The following EMILIN2 variants were observed in gnomAD, a reference collection of about 807,000 sequenced individuals.
The protein encoded by EMILIN2 is elastin microfibril interfacer 2, also known as EMILIN-2.
In EMILIN2, 71 loss-of-function variants were observed where a neutral mutation model predicts 87.1. The observed-to-expected ratio is 0.82, with a 90% CI of 0.67 to 0.99. The LOEUF (loss-of-function observed/expected upper bound fraction) is 0.99. Ranked by LOEUF, EMILIN2 falls within the 50% of genes least tolerant of loss-of-function variation. The probability of loss-of-function intolerance (pLI) is 0.00; values close to 1 mark genes in which losing one functional copy is unlikely to be tolerated. For missense variants in EMILIN2, 1,407 were observed against 1,371.8 expected (o/e 1.03, Z -0.40); for synonymous variants, 581 against 563.4 (o/e 1.03, Z -0.44).
chr18:2,898,748 A>G (rs1261053171), intron 4 of EMILIN2, among the ~76,000 whole-genome samples: 1 of 152,236 alleles, frequency 6.6e-6, no homozygotes, highest in Non-Finnish European at 1.5e-5. Flanking sequence ...ATTTAACCAG[A>G]AAGCCTGGCC....
At chr18:2,877,391 C>G (rs1461252036) in intron 2 of EMILIN2, among the ~76,000 whole-genome samples, 24 of 151,478 alleles carry the variant, frequency 1.6e-4, no homozygotes, top group Non-Finnish European at 1.5e-5. Context: ...TTTCTCATAC[C>G]ACATCGTCTA....
chr18:2,877,552 C>T lies in EMILIN2; in HGVS notation c.258-7412C>T, dbSNP rs568869947. On this transcript the variant is annotated intron_variant, in intron 2 of 7. Transcript: ENST00000254528. ...CAACACTTTGGGAGGCTGAGGTGGGCGGACCACCTGAGGTCAGTAGTTGAG... is the reference window on the plus strand; with the variant it reads ...CAACACTTTGGGAGGCTGAGGTGGGTGGACCACCTGAGGTCAGTAGTTGAG... Among the ~76,000 whole-genome samples, 711 of 150,698 alleles carry T rather than the reference C, an allele frequency of 4.7e-3. 4 individuals are homozygous for T. Among genetic ancestry groups the T allele is most frequent in the African/African-American group, 0.016 (672 of 41,080 alleles).
intron 3 of EMILIN2, among the ~76,000 whole-genome samples, chr18:2,885,457 T>C (rs2076798743): frequency 6.6e-6 from 1 of 152,228 alleles, no homozygotes; most frequent in African/African-American, 2.4e-5. Flanking sequence ...TCAGATGTAA[T>C]GATGTACTGT....
At position 2,914,742 on chromosome 18, in the gene EMILIN2, A is replaced by G. The variant is rs1333567307; in HGVS notation, c.*1338A>G. 2 of 149,886 alleles carry G rather than the reference A, an allele frequency of 1.3e-5. No individual in the cohort carries two copies. The highest frequency in any genetic ancestry group is 2.5e-5 in the African/African-American group (1 of 40,586). 9.3% of individuals were successfully genotyped at this position (149,886 alleles called of 1,614,324 possible). On this transcript the variant is annotated 3_prime_UTR_variant, in exon 8 of 8. Coordinates refer to ENST00000254528, the MANE Select transcript of EMILIN2 (RefSeq NM_032048.3). ...AAAATGCTTTAAGAATTGTTTGCAA[A>G]TGAATTTACAGGGTGGCCACTGGAC...
At position 2,891,595 on chromosome 18, in the gene EMILIN2, GT is replaced by G; in HGVS notation, c.1470del (p.Asp491IlefsTer18). On this transcript the variant is annotated frameshift_variant, in exon 4 of 8. Transcript: ENST00000254528. LOFTEE classifies it high-confidence loss of function. The surrounding 1 kb of genome is among the most constrained non-coding windows in gnomAD (Gnocchi z 4.6). ...NGEVGDLKQL[V>X]DQKIQSLEDR... ...AGAGGTGGGTGACTTGAAGCAGCTTGTTGATCAGAAAATACAGTCTCTGGAA... is the reference window on the plus strand; with the variant it reads ...AGAGGTGGGTGACTTGAAGCAGCTTGTGATCAGAAAATACAGTCTCTGGAA... 1 of 1,614,058 alleles carries G rather than the reference GT, an allele frequency of 6.2e-7. No homozygotes were observed. The highest frequency in any genetic ancestry group is 8.5e-7 in the Non-Finnish European group (1 of 1,180,030).
intron 4 of EMILIN2, among the ~76,000 whole-genome samples, chr18:2,900,997 A>G (rs2076885868): frequency 2.0e-5 from 3 of 152,206 alleles, no homozygotes; most frequent in Non-Finnish European, 4.4e-5. Flanking sequence ...CTGATGAATT[A>G]CACTTAACAT....
intron 2 of EMILIN2, among the ~76,000 whole-genome samples, chr18:2,884,067 T>G (rs2076790414): frequency 1.3e-5 from 2 of 152,126 alleles, no homozygotes; most frequent in East Asian, 1.9e-4. Flanking sequence ...GCCATTCTCC[T>G]GCCTCAGCCT....
In EMILIN2 at chr18:2,847,186, G is replaced by T. The variant is rs1348222185; in HGVS notation, c.-3G>T. 3.2e-5 allele frequency: 37 copies of T among 1,142,394 alleles called. No individual in the cohort carries two copies. Among genetic ancestry groups the T allele is most frequent in the Non-Finnish European group, 3.9e-5 (36 of 934,530 alleles). The allele number at this position is 1,142,394 out of a possible 1,614,324, so 70.8% of individuals were successfully genotyped here. The stretch of plus-strand genomic sequence containing the variant: ...CAGGCGGGGCGCGCCCGCTGCGCGC[G>T]GGATGTGGCAGCCCAGACGGCCCTG... On this transcript the variant is annotated 5_prime_UTR_variant, in exon 1 of 8. Coordinates refer to ENST00000254528, the MANE Select transcript of EMILIN2 (RefSeq NM_032048.3). The surrounding 1 kb of genome is among the most constrained non-coding windows in gnomAD (Gnocchi z 4.5).
In EMILIN2 at chr18:2,907,009, G is replaced by C; in HGVS notation, c.2586G>C (p.Arg862=). The change falls in exon 5 of 8, where the codon CGG becomes CGC. Residue 862 remains arginine, a synonymous_variant. Coordinates refer to ENST00000254528, the MANE Select transcript of EMILIN2 (RefSeq NM_032048.3). ...CCGCAGGCGCAGGCGTGTCTGGGCG[G>C]GGTCTGCCGCGGGGCGTGGACGGCC... ...GPPAGAGVSG[R]GLPRGVDGQT... 2 of 1,349,338 alleles carry C rather than the reference G, an allele frequency of 1.5e-6. No homozygotes were observed. Among genetic ancestry groups the C allele is most frequent in the Non-Finnish European group, 1.9e-6 (2 of 1,051,698 alleles). 83.6% of individuals were successfully genotyped at this position (1,349,338 alleles called of 1,614,324 possible). A position where few individuals can be genotyped will look rare whatever the true frequency, so the allele number is the denominator to read the frequency against.
Position 2,906,828 on chromosome 18 carries a change from T to C in EMILIN2, c.2405T>C (p.Leu802Pro). The C allele has an allele frequency of 7.5e-7, 1 of 1,330,400 alleles. No homozygotes were observed. Among genetic ancestry groups the C allele is most frequent in the Non-Finnish European group, 9.6e-7 (1 of 1,044,410 alleles). The allele number at this position is 1,330,400 out of a possible 1,614,324, so 82.4% of individuals were successfully genotyped here. ...CCCGCAGAGGCCCCGAAGGAGCCGC[T>C]GCAGCCCGAGCCCGCCCCGCCGAGG... is the stretch of plus-strand genomic sequence containing the variant. ...PPPAEAPKEP[L>P]QPEPAPPRPS... The change falls in exon 5 of 8, where the codon CTG (leucine) becomes CCG (proline). Residue 802 changes from leucine to proline, a missense_variant. Physicochemically the swap from Leu to Pro is moderately conservative, Grantham distance 98 (BLOSUM62 -3). Transcript: ENST00000254528.
Position 2,890,677 on chromosome 18 carries a change from A to G in EMILIN2, c.550A>G (p.Ile184Val), listed in dbSNP as rs773860722. 3 of 1,614,192 alleles carry G rather than the reference A, an allele frequency of 1.9e-6. 1 individual carries two copies. The South Asian group carries it at 3.3e-5, about 18-fold the overall frequency. ...EGPQELQEKK[I>V]QVLEEKVLRL... is the part of the protein sequence containing the mutation. ...GCCTCAGGAACTTCAGGAAAAGAAG[A>G]TACAGGTGCTAGAGGAGAAGGTTCT... The change falls in exon 4 of 8, where the codon ATA (isoleucine) becomes GTA (valine). Residue 184 changes from isoleucine (I) to valine (V), a missense_variant. Ile to Val is a conservative substitution (Grantham distance 29). Coordinates refer to ENST00000254528, the MANE Select transcript of EMILIN2 (RefSeq NM_032048.3). This position sits in a 1 kb window ranked among gnomAD's most constrained non-coding sequence, Gnocchi z 4.7.
At chr18:2,884,313 G>A (rs891072499) in intron 2 of EMILIN2, among the ~76,000 whole-genome samples, 15 of 152,082 alleles carry the variant, frequency 9.9e-5, no homozygotes, top group African/African-American at 2.9e-4. Flanking sequence ...GTGCAATGGC[G>A]TGATCTCAGC....
intron 2 of EMILIN2, among the ~76,000 whole-genome samples, chr18:2,873,643 C>G (rs470599): frequency 6.8e-5 from 10 of 146,756 alleles, no homozygotes; most frequent in African/African-American, 2.3e-4. Context: ...GGAGGCGGAG[C>G]TTGCAGTGAG....
chr18:2,876,606 A>G, intron 2 of EMILIN2, among the ~76,000 whole-genome samples: 1 of 136,294 alleles, frequency 7.3e-6, no homozygotes, highest in African/African-American at 2.7e-5. Flanking sequence ...CTCTACTAAA[A>G]ATACAAAAAA....
Position 2,847,221 on chromosome 18 carries a change from G to A in EMILIN2, c.33G>A (p.Val11=). ...AGCCCAGACGGCCCTGGCCCCGCGT[G>A]CCCTGGCGCTGGGCGCTGGCGCTGC... is the stretch of plus-strand genomic sequence containing the variant. MWQPRRPWPR[V]PWRWALALLA... The change falls in exon 1 of 8, where the codon GTG becomes GTA. Residue 11 remains valine (V), a synonymous_variant. Transcript: ENST00000254528. The surrounding 1 kb of genome is among the most constrained non-coding windows in gnomAD (Gnocchi z 4.5). The A allele has an allele frequency of 8.0e-7, 1 of 1,250,288 alleles. No individual in the cohort carries two copies. Among genetic ancestry groups the A allele is most frequent in the Non-Finnish European group, 1.0e-6 (1 of 998,410 alleles). The allele number at this position is 1,250,288 out of a possible 1,614,324, so 77.4% of individuals were successfully genotyped here. A position where few individuals can be genotyped will look rare whatever the true frequency, so the allele number is the denominator to read the frequency against.
chr18:2,847,084 CT>C lies in EMILIN2; in HGVS notation c.-103del. The C allele has an allele frequency of 9.3e-7, 1 of 1,078,416 alleles. No homozygotes were observed. 66.8% of individuals were successfully genotyped at this position (1,078,416 alleles called of 1,614,324 possible). A position where few individuals can be genotyped will look rare whatever the true frequency, so the allele number is the denominator to read the frequency against. ...GGAGCGCCGCGAAGCGCCCGAGCCT[CT>C]TGCCTTCGCGGGCGGCGCCCTGGCC... On this transcript the variant is annotated 5_prime_UTR_variant, in exon 1 of 8. Coordinates refer to ENST00000254528, the MANE Select transcript of EMILIN2 (RefSeq NM_032048.3). This position sits in a 1 kb window ranked among gnomAD's most constrained non-coding sequence, Gnocchi z 4.5.
rs2144039893 is a variant in EMILIN2 at position 2,891,738 on chromosome 18, G to A, written c.1611G>A (p.Met537Ile). 4 of 1,614,168 alleles carry A rather than the reference G, an allele frequency of 2.5e-6. No individual in the cohort carries two copies. The highest frequency in any genetic ancestry group is 3.4e-6 in the Non-Finnish European group (4 of 1,180,040). The change falls in exon 4 of 8, where the codon ATG (methionine) becomes ATA (isoleucine). Residue 537 changes from methionine (M) to isoleucine (I), a missense_variant. Coordinates refer to ENST00000254528, the MANE Select transcript of EMILIN2 (RefSeq NM_032048.3). This position sits in a 1 kb window ranked among gnomAD's most constrained non-coding sequence, Gnocchi z 4.6. ...GGTCAGGAGATGAACGGGTCATGAT[G>A]GAATTAAACCACCTGAAGGACAAAG... ...VSGSGDERVM[M>I]ELNHLKDKVQ...
rs1293339097 is a variant in EMILIN2 at position 2,892,445 on chromosome 18, C to G, written c.2318C>G (p.Ser773Cys). The change falls in exon 4 of 8, where the codon TCT becomes TGT. Residue 773 changes from serine to cysteine, a missense_variant. Physicochemically the swap from Ser to Cys is moderately radical, Grantham distance 112. Transcript: ENST00000254528. ...TTCTACAGCCACGTCTTCCAGATTT[C>G]TACTGATTTGCAAGATCTGGTCAAA... is the stretch of plus-strand genomic sequence containing the variant. ...QQFYSHVFQI[S>C]TDLQDLVKFQ... is the part of the protein sequence containing the mutation. 1.2e-6 allele frequency: 2 copies of G among 1,608,264 alleles called. No homozygotes were observed. The highest frequency in any genetic ancestry group is 1.7e-6 in the Non-Finnish European group (2 of 1,176,200).
Position 2,912,507 on chromosome 18 carries a change from T to G in EMILIN2, c.2825-560T>G, listed in dbSNP as rs575597823. On this transcript the variant is annotated intron_variant, in intron 7 of 7. Coordinates refer to ENST00000254528, the MANE Select transcript of EMILIN2 (RefSeq NM_032048.3). The stretch of plus-strand genomic sequence containing the variant: ...AGCTGTGGGGCCACCTACAGCTGCT[T>G]CTGCTTAGCGAATTGTGACATGTAC... Among the ~76,000 whole-genome samples, 214 of 152,326 alleles carry G rather than the reference T, an allele frequency of 1.4e-3. 1 individual carries two copies. Among genetic ancestry groups the G allele is most frequent in the Non-Finnish European group, 1.8e-3 (122 of 68,032 alleles).
Sources: gnomAD v4.1 joint callset for allele counts (sites outside exome capture counted in the v4.1 genomes callset) on GRCh38, gnomAD v4.1.1 for gene constraint, Gnocchi (gnomAD v3.1) non-coding constraint, MANE v1.5 for transcripts, NCBI Gene and HGNC (gene_info 2026-07-23, HGNC 2026-07-21) for gene names.